Variants in SLA observed in about 807,000 individuals in gnomAD.
SLA encodes the protein Src like adaptor.
In SLA, 16 loss-of-function variants were observed where a neutral mutation model predicts 30.3. The observed-to-expected ratio is 0.53, with a 90% confidence interval of 0.36 to 0.80. SLA has a LOEUF of 0.80. Ranked by LOEUF, SLA falls within the 30% of genes least tolerant of loss-of-function variation. The pLI is 0.01. For missense variants in SLA, 310 were observed against 345.2 expected, an observed-to-expected ratio of 0.90 and a Z score of 0.81; for synonymous variants, 143 against 137.8, an observed-to-expected ratio of 1.04 and a Z score of -0.26.
At chr8:133,073,791 T>C (rs938700648) in intron 2 of SLA, among the ~76,000 whole-genome samples, 2 of 152,132 alleles carry the variant, frequency 1.3e-5, no homozygotes, top group Non-Finnish European at 2.9e-5. Flanking sequence ...CCCAACCCTT[T>C]AGAGCCCCTC....
intron 1 of SLA, 140 bp downstream of exon 1, chr8:133,102,413 C>G: frequency 1.4e-6 from 1 of 693,282 alleles, no homozygotes; most frequent in South Asian, 1.8e-5. Context: ...CAGCAGAGAC[C>G]CACCCATTTT....
At chr8:133,053,721 C>T (rs948587850) in intron 3 of SLA, among the ~76,000 whole-genome samples, 1 of 152,132 alleles carries the variant, frequency 6.6e-6, no homozygotes, top group African/African-American at 2.4e-5. Context: ...GAAACAAAAA[C>T]AAAAGCAAAA....
chr8:133,067,730 C>T (rs1053688547), intron 2 of SLA, among the ~76,000 whole-genome samples: 6 of 151,484 alleles, frequency 4.0e-5, no homozygotes, highest in African/African-American at 9.7e-5. Flanking sequence ...AAGCTGAGAT[C>T]GCACCGCTGC....
intron 1 of SLA, 125 bp from the exon 2 acceptor site, chr8:133,075,255 G>A: frequency 2.4e-6 from 1 of 414,708 alleles, no homozygotes; most frequent in Non-Finnish European, 3.2e-6. Context: ...AATCAATGGG[G>A]CTGTGAATTT....
intron 1 of SLA, among the ~76,000 whole-genome samples, chr8:133,100,489 G>T (rs1849074460): frequency 6.6e-6 from 1 of 152,218 alleles, no homozygotes; most frequent in Admixed American, 6.5e-5. Flanking sequence ...TCACTAGGAT[G>T]AATGAATGAA....
intron 1 of SLA, chr8:133,076,585 G>A (rs1844899819): frequency 6.6e-6 from 1 of 152,124 alleles, no homozygotes; most frequent in African/African-American, 2.4e-5. Flanking sequence ...AATTCACACA[G>A]AGGAGTAAAA....
intron 2 of SLA, among the ~76,000 whole-genome samples, chr8:133,068,253 A>C (rs976923153): frequency 6.6e-6 from 1 of 152,200 alleles, no homozygotes; most frequent in African/African-American, 2.4e-5. Context: ...ATGCCCATCT[A>C]TCTGTCAACC....
chr8:133,076,883 A>G (rs929715239), intron 1 of SLA: 3 of 152,172 alleles, frequency 2.0e-5, no homozygotes, highest in Non-Finnish European at 4.4e-5. Flanking sequence ...AAAGAACTAG[A>G]AAGAACATTA....
At chr8:133,087,341 G>A (rs1307230501) in intron 1 of SLA, among the ~76,000 whole-genome samples, 1 of 152,270 alleles carries the variant, frequency 6.6e-6, no homozygotes, top group East Asian at 1.9e-4. Context: ...CCTTTTTCTA[G>A]AGTATGAAAA....
rs146664774 is a variant in SLA, at chr8:133,038,692, G to A, written c.663C>T (p.Asp221=). 2.3e-4 allele frequency: 372 copies of A among 1,614,058 alleles called. 1 individual carries two copies. The African/African-American group carries it at 4.2e-3, about 18-fold the overall frequency. The change falls in exon 9 of 9, where the codon GAC becomes GAT. Residue 221 remains aspartate (D), a synonymous_variant. Transcript: ENST00000338087. ...GAAGGCCATAGCTGAAAAGGGACTC[G>A]TCTACCCCAAGCGGGTTCTCTGTTC... ...PEGTENPLGV[D]ESLFSYGLRE... is the part of the protein sequence containing the mutation.
intron 3 of SLA, 138 bp downstream of exon 3, chr8:133,059,962 A>G (rs1842123512): frequency 2.3e-6 from 2 of 863,996 alleles, no homozygotes; most frequent in East Asian, 5.8e-5. Context: ...CACAAACAAA[A>G]CTAGAGAGAC....
rs113184710 is a variant in SLA at position 133,037,638 on chromosome 8, C to CT, written c.*885dup. On this transcript the variant is annotated 3_prime_UTR_variant, in exon 9 of 9. Coordinates refer to ENST00000338087, the MANE Select transcript of SLA (RefSeq NM_001045556.3). ...CTGTTGGGGGTTAGGACTTACGCAT[C>CT]TTTTTTTTTTTTTTGGCTTGCCTGA... 159 of 144,174 alleles carry CT rather than the reference C, an allele frequency of 1.1e-3. No individual in the cohort carries two copies. Among genetic ancestry groups the CT allele is most frequent in the Middle Eastern group, 3.5e-3 (1 of 282 alleles). 8.9% of individuals were successfully genotyped at this position (144,174 alleles called of 1,614,324 possible).
intron 1 of SLA, among the ~76,000 whole-genome samples, chr8:133,078,141 G>A (rs1352060163): frequency 6.6e-6 from 1 of 152,206 alleles, no homozygotes; most frequent in Non-Finnish European, 1.5e-5. Context: ...TTGGGTGGCT[G>A]TGTCACCCAT....
rs1202730368 is a variant in SLA, at chr8:133,097,351, G to A, written c.-319+5202C>T. On this transcript the variant is annotated intron_variant, in intron 1 of 8. Transcript: ENST00000338087. ...TGATATATATACAAGAGTATTTATT[G>A]CATTGCATTGTTTATTGATTGATTG... Among the ~76,000 whole-genome samples, 3 of 152,152 alleles carry A rather than the reference G, an allele frequency of 2.0e-5. 1 individual carries two copies. Among genetic ancestry groups the A allele is most frequent in the South Asian group, 4.1e-4 (2 of 4,830 alleles).
intron 1 of SLA, among the ~76,000 whole-genome samples, chr8:133,093,319 T>G (rs1008835099): frequency 6.6e-6 from 1 of 152,192 alleles, no homozygotes; most frequent in African/African-American, 2.4e-5. Flanking sequence ...CTTTTATTGC[T>G]GCTGCTTATC....
At chr8:133,062,784 G>A (rs748230389) in intron 2 of SLA, among the ~76,000 whole-genome samples, 20 of 151,914 alleles carry the variant, frequency 1.3e-4, no homozygotes, top group Non-Finnish European at 2.5e-4. Context: ...GGAAGCATGC[G>A]TATGACATGC....
intron 1 of SLA, among the ~76,000 whole-genome samples, chr8:133,099,833 C>T (rs1029019598): frequency 3.3e-5 from 5 of 152,196 alleles, no homozygotes; most frequent in African/African-American, 9.7e-5. Context: ...GCTCCCCTAC[C>T]TCTTCTGCTA....
rs1554706932 is a variant in SLA, at chr8:133,042,678, C to CCTTTTTTTTTTTTTTTTTTTTTTTTTTT, written c.484+2305_484+2306insAAAAAAAAAAAAAAAAAAAAAAAAAAAG. 5.3e-5 allele frequency among the ~76,000 whole-genome samples: 3 copies of CCTTTTTTTTTTTTTTTTTTTTTTTTTTT among 56,768 alleles called. 1 individual carries two copies. Among genetic ancestry groups the CCTTTTTTTTTTTTTTTTTTTTTTTTTTT allele is most frequent in the African/African-American group, 6.9e-5 (1 of 14,488 alleles). 37.2% of individuals were successfully genotyped at this position (56,768 alleles called of 152,430 possible). A position where few individuals can be genotyped will look rare whatever the true frequency, so the allele number is the denominator to read the frequency against. On this transcript the variant is annotated intron_variant, in intron 7 of 8. Transcript: ENST00000338087. ...GTGCACAATTCCTCTCATTCTGTGTCTTTTTTTTTTTTTTTTTTTTTTTTT... is the reference window on the plus strand; with the variant it reads ...GTGCACAATTCCTCTCATTCTGTGTCCTTTTTTTTTTTTTTTTTTTTTTTTTTTTTTTTTTTTTTTTTTTTTTTTTTTT...
chr8:133,047,568 GA>G, intron 6 of SLA: 1 of 502,942 alleles, frequency 2.0e-6, no homozygotes, highest in Non-Finnish European at 3.6e-6. Flanking sequence ...TCAGTTGCTG[GA>G]AAAATTTCCA....
Sources: allele counts gnomAD v4.1 joint callset (sites outside exome capture counted in the v4.1 genomes callset), GRCh38; gene constraint gnomAD v4.1.1; transcripts MANE v1.5; gene names NCBI Gene and HGNC (gene_info 2026-07-23, HGNC 2026-07-21).